Variants in FAM47E observed in about 807,000 individuals in gnomAD.
FAM47E encodes the protein protein FAM47E.
A neutral mutation model predicts 41.6 loss-of-function variants in FAM47E; 32 were observed. The observed-to-expected ratio is 0.77, with a 90% CI of 0.58 to 1.03. The LOEUF (loss-of-function observed/expected upper bound fraction) is 1.03, where lower values mean the gene tolerates loss of function less well. Among genes scored for constraint, FAM47E ranks in the 50% least tolerant of loss-of-function variants. The probability of loss-of-function intolerance (pLI) is 0.00; values close to 1 mark genes in which losing one functional copy is unlikely to be tolerated. For missense variants in FAM47E, 424 were observed against 485.4 expected (o/e 0.87, Z 1.19); for synonymous variants, 184 against 188.7 (o/e 0.98, Z 0.20).
At chr4:76,223,748 C>T (rs940572865) in intron 2 of FAM47E, among the ~76,000 whole-genome samples, 2 of 152,208 alleles carry the variant, frequency 1.3e-5, no homozygotes, top group African/African-American at 4.8e-5. Context: ...CACAAGTGTG[C>T]TTTTCCATAA....
At chr4:76,259,831 A>G in intron 2 of FAM47E, among the ~76,000 whole-genome samples, 1 of 152,224 alleles carries the variant, frequency 6.6e-6, no homozygotes, top group Non-Finnish European at 1.5e-5. Flanking sequence ...ATTCATCCAA[A>G]AGACTCCTAG....
chr4:76,237,113 T>A (rs1373363301), intron 2 of FAM47E, among the ~76,000 whole-genome samples: 4 of 151,954 alleles, frequency 2.6e-5, no homozygotes, highest in African/African-American at 9.7e-5. Context: ...GGCAGGATGG[T>A]CTCGATCTCC....
upstream of FAM47E, among the ~76,000 whole-genome samples, chr4:76,247,910 C>CTCTTTTT (rs1310282160): frequency 2.3e-5 from 2 of 86,844 alleles, no homozygotes; most frequent in African/African-American, 4.2e-5. Flanking sequence ...CACTCTCTCT[C>CTCTTTTT]TTTTTTTTTT....
At chr4:76,251,502 G>A (rs1278849094), upstream of FAM47E, among the ~76,000 whole-genome samples, 1 of 152,152 alleles carries the variant, frequency 6.6e-6, no homozygotes, top group Non-Finnish European at 1.5e-5. Context: ...GTGGGAAGAT[G>A]AACACGCCTT....
chr4:76,253,447 G>A (rs1734056648), intron 1 of FAM47E, among the ~76,000 whole-genome samples: 1 of 152,148 alleles, frequency 6.6e-6, no homozygotes, highest in South Asian at 2.1e-4. Context: ...TCATGTACTA[G>A]TGTCTGTGAA....
At chr4:76,239,035 A>C (rs1207366334) in intron 2 of FAM47E, among the ~76,000 whole-genome samples, 2 of 152,172 alleles carry the variant, frequency 1.3e-5, no homozygotes, top group African/African-American at 4.8e-5. Flanking sequence ...TAATGTCCTC[A>C]AGATTCATCC....
intron 2 of FAM47E, among the ~76,000 whole-genome samples, chr4:76,228,884 G>A (rs1733445946): frequency 6.6e-6 from 1 of 151,902 alleles, no homozygotes; most frequent in African/African-American, 2.4e-5. Flanking sequence ...TCTTGTATTT[G>A]GATATCTAGA....
chr4:76,215,397 C>A (rs998965964), intron 1 of FAM47E, among the ~76,000 whole-genome samples: 35 of 152,176 alleles, frequency 2.3e-4, no homozygotes, highest in African/African-American at 7.2e-4. Flanking sequence ...CTACTCTGCG[C>A]ATTGCTGCAT....
chr4:76,251,205 G>A (rs1209848721), upstream of FAM47E, among the ~76,000 whole-genome samples: 2 of 152,078 alleles, frequency 1.3e-5, no homozygotes, highest in Admixed American at 6.5e-5. Flanking sequence ...ATCAACACAG[G>A]AGCTGGAAGG....
chr4:76,237,146 C>T (rs1489251072), intron 2 of FAM47E, among the ~76,000 whole-genome samples: 17 of 151,942 alleles, frequency 1.1e-4, no homozygotes, highest in African/African-American at 2.2e-4. Flanking sequence ...CCACCCGCCC[C>T]GGCCTCCCAA....
At chr4:76,236,896 TC>T (rs1384595293) in intron 2 of FAM47E, among the ~76,000 whole-genome samples, 6 of 150,014 alleles carry the variant, frequency 4.0e-5, no homozygotes, top group Admixed American at 4.0e-4. Flanking sequence ...TTCTTTTCTT[TC>T]TTTTTTTTTT....
chr4:76,227,568 A>G (rs1733419409), intron 2 of FAM47E, among the ~76,000 whole-genome samples: 1 of 152,076 alleles, frequency 6.6e-6, no homozygotes, highest in Non-Finnish European at 1.5e-5. Flanking sequence ...GTTTCAGTCC[A>G]TTGTTTCTTT....
chr4:76,230,047 A>G (rs1733466589), intron 2 of FAM47E, among the ~76,000 whole-genome samples: 1 of 152,108 alleles, frequency 6.6e-6, no homozygotes, highest in South Asian at 2.1e-4. Flanking sequence ...GTTGGCCAGG[A>G]TATGTATTTG....
intron 2 of FAM47E, among the ~76,000 whole-genome samples, chr4:76,240,391 T>C (rs2109991136): frequency 6.6e-6 from 1 of 152,322 alleles, no homozygotes; most frequent in Middle Eastern, 3.4e-3. Context: ...TTTATCCTAC[T>C]TGGAGTTCAT....
Position 76,283,485 on chromosome 4 carries a change from G to A in FAM47E, c.*27G>A, listed in dbSNP as rs1022153425. ...AGAATCGTAGGAGAATGATTAGGCA[G>A]ATTTTATTACTACGTACTTGGCTAT... On this transcript the variant is annotated 3_prime_UTR_variant, in exon 8 of 8. Transcript: ENST00000424749. The A allele has an allele frequency of 7.5e-7, 1 of 1,338,192 alleles. No homozygotes were observed. The allele number at this position is 1,338,192 out of a possible 1,614,324, so 82.9% of individuals were successfully genotyped here.
intron 2 of FAM47E, among the ~76,000 whole-genome samples, chr4:76,263,251 C>A (rs1734494483): frequency 6.6e-6 from 1 of 152,188 alleles, no homozygotes; most frequent in Non-Finnish European, 1.5e-5. Context: ...AGCCATGTGA[C>A]TGCTAGTACA....
chr4:76,264,468 A>G (rs1406925118), intron 3 of FAM47E, among the ~76,000 whole-genome samples: 5 of 152,086 alleles, frequency 3.3e-5, no homozygotes, highest in Admixed American at 3.3e-4. Context: ...CAAAGCATTA[A>G]GCTTAACGAA....
intron 1 of FAM47E, among the ~76,000 whole-genome samples, chr4:76,255,206 G>C (rs974001788): frequency 6.6e-6 from 1 of 152,078 alleles, no homozygotes; most frequent in African/African-American, 2.4e-5. Context: ...CTGCCTACCT[G>C]GGTTAAACTC....
intron 2 of FAM47E, among the ~76,000 whole-genome samples, chr4:76,231,454 T>G (rs1459683113): frequency 1.3e-5 from 2 of 152,126 alleles, no homozygotes; most frequent in Non-Finnish European, 2.9e-5. Flanking sequence ...AACTAGTGAG[T>G]TTAGAATTTA....
Sources: gnomAD v4.1 joint callset for allele counts (sites outside exome capture counted in the v4.1 genomes callset) on GRCh38, gnomAD v4.1.1 for gene constraint, MANE v1.5 for transcripts, NCBI Gene and HGNC (gene_info 2026-07-23, HGNC 2026-07-21) for gene names.